Variants in KCNAB1 observed in about 807,000 individuals in gnomAD.
The protein encoded by KCNAB1 is potassium voltage-gated channel subfamily A regulatory beta subunit 1, also known as voltage-gated potassium channel subunit beta-1.
Under a neutral mutation model 64.6 loss-of-function variants are expected in KCNAB1, and 35 were observed. That is an observed-to-expected ratio of 0.54 (90% CI 0.41 to 0.72). The LOEUF is 0.72. Ranked by LOEUF, KCNAB1 falls within the 30% of genes least tolerant of loss-of-function variation. KCNAB1 has a pLI of 0.00. For synonymous variants in KCNAB1, 177 were observed against 183.8 expected (o/e 0.96, Z 0.30); for missense variants, 401 against 512.9 (o/e 0.78, Z 2.11).
chr3:156,512,727 A>C (rs767506209), intron 8 of KCNAB1, among the ~76,000 whole-genome samples: 4 of 152,228 alleles, frequency 2.6e-5, no homozygotes, highest in Non-Finnish European at 5.9e-5. Context: ...ACACTTTTTT[A>C]ATCATATGTT....
intron 11 of KCNAB1, among the ~76,000 whole-genome samples, chr3:156,522,319 C>T (rs923426560): frequency 6.6e-6 from 1 of 152,058 alleles, no homozygotes; most frequent in South Asian, 2.1e-4. Flanking sequence ...GTTTTTCCCA[C>T]TGAGGACACC....
At chr3:156,245,433 T>C (rs190881057) in intron 1 of KCNAB1, among the ~76,000 whole-genome samples, 8 of 152,294 alleles carry the variant, frequency 5.3e-5, no homozygotes, top group Admixed American at 2.6e-4. Flanking sequence ...AACCAGGAAA[T>C]TGACATTGAT....
At chr3:156,142,866 A>AT (rs1245162944) in intron 1 of KCNAB1, 67 of 474,014 alleles carry the variant, frequency 1.4e-4, no homozygotes, top group South Asian at 1.8e-4. Flanking sequence ...AAGTTCCCAT[A>AT]TTTTTTTTCC....
At chr3:156,188,507 C>T (rs924694202) in intron 1 of KCNAB1, among the ~76,000 whole-genome samples, 1 of 152,092 alleles carries the variant, frequency 6.6e-6, no homozygotes, top group Admixed American at 6.5e-5. Flanking sequence ...AATGCATGCT[C>T]ATGTAAATAA....
At position 156,318,186 on chromosome 3, in the gene KCNAB1, A is replaced by G. The variant is rs1162009622; in HGVS notation, c.276-103430A>G. ...GTGAGAGACAATAGGACTAAGCAGG[A>G]TAGGGGGCAAAAGCCTTTGCTTTTT... On this transcript the variant is annotated intron_variant, in intron 1 of 13. Transcript: ENST00000490337. 3.3e-5 allele frequency among the ~76,000 whole-genome samples: 5 copies of G among 152,182 alleles called. 1 individual carries two copies. Among genetic ancestry groups the G allele is most frequent in the African/African-American group, 7.2e-5 (3 of 41,454 alleles).
At chr3:156,380,127 C>T (rs955432647) in intron 1 of KCNAB1, among the ~76,000 whole-genome samples, 14 of 152,166 alleles carry the variant, frequency 9.2e-5, no homozygotes, top group Admixed American at 7.2e-4. Context: ...GCTTTCTGCT[C>T]TCTGACCCCT....
intron 1 of KCNAB1, among the ~76,000 whole-genome samples, chr3:156,180,657 A>G (rs1209827222): frequency 2.0e-5 from 3 of 152,164 alleles, no homozygotes; most frequent in Admixed American, 6.5e-5. Context: ...TACCTACCAC[A>G]TGCAAGGCTC....
chr3:156,440,956 A>AT (rs1187827946), intron 2 of KCNAB1, among the ~76,000 whole-genome samples: 3 of 152,070 alleles, frequency 2.0e-5, no homozygotes, highest in Non-Finnish European at 4.4e-5. Context: ...ATTTTTCTGT[A>AT]TTTTAAAAAA....
At chr3:156,453,983 T>C (rs530687159) in intron 3 of KCNAB1, among the ~76,000 whole-genome samples, 3 of 152,342 alleles carry the variant, frequency 2.0e-5, no homozygotes, top group Admixed American at 6.5e-5. Flanking sequence ...GTTCTTACTA[T>C]CATTCCTAAC....
Position 156,515,168 on chromosome 3 carries a change from T to C in KCNAB1, c.813T>C (p.Leu271=), listed in dbSNP as rs755537214. Residue 271 remains leucine (L), a synonymous_variant, in exon 10 of 14, where the codon CTT becomes CTC. Transcript: ENST00000490337. ...PPVCEQAEYH[L]FQREKVEVQL... is the part of the protein sequence containing the mutation. The stretch of plus-strand genomic sequence containing the variant: ...TCTGTGAACAAGCTGAGTACCATCT[T>C]TTCCAGAGAGAGAAAGTGGAGGTCC... 6.2e-7 allele frequency: 1 copy of C among 1,613,576 alleles called. No individual in the cohort carries two copies. The highest frequency in any genetic ancestry group is 8.5e-7 in the Non-Finnish European group (1 of 1,179,660).
intron 4 of KCNAB1, among the ~76,000 whole-genome samples, chr3:156,458,240 C>G (rs1272285901): frequency 6.6e-6 from 1 of 152,172 alleles, no homozygotes; most frequent in Non-Finnish European, 1.5e-5. Flanking sequence ...CTTGTTAAAC[C>G]AGAACACATA....
intron 7 of KCNAB1, among the ~76,000 whole-genome samples, chr3:156,466,724 A>C (rs1040185673): frequency 6.6e-6 from 1 of 152,040 alleles, no homozygotes; most frequent in Non-Finnish European, 1.5e-5. Context: ...TTTGCAAGGC[A>C]CCCAAAACTT....
intron 1 of KCNAB1, among the ~76,000 whole-genome samples, chr3:156,210,203 C>A (rs1279947201): frequency 1.3e-5 from 2 of 152,182 alleles, no homozygotes. Flanking sequence ...AGGAATGCCT[C>A]TGCCTCCCCT....
intron 1 of KCNAB1, among the ~76,000 whole-genome samples, chr3:156,266,658 A>G (rs903244738): frequency 2.0e-5 from 3 of 152,228 alleles, no homozygotes; most frequent in Non-Finnish European, 4.4e-5. Context: ...TATTCCATGC[A>G]TAATTATTGC....
intron 1 of KCNAB1, chr3:156,142,853 A>G (rs1714780463): frequency 2.6e-5 from 9 of 349,426 alleles, no homozygotes; most frequent in South Asian, 2.3e-4. Flanking sequence ...AAGACATGGG[A>G]AAAAGTTCCC....
At chr3:156,319,808 G>T (rs1351310208) in intron 1 of KCNAB1, among the ~76,000 whole-genome samples, 1 of 152,110 alleles carries the variant, frequency 6.6e-6, no homozygotes. Flanking sequence ...CTTTAAAATT[G>T]TTCCAAATAA....
chr3:156,500,836 G>T (rs1489816881), intron 8 of KCNAB1, among the ~76,000 whole-genome samples: 1 of 152,142 alleles, frequency 6.6e-6, no homozygotes, highest in Non-Finnish European at 1.5e-5. Flanking sequence ...ATCATCAATG[G>T]CAGTGATGAG....
intron 1 of KCNAB1, among the ~76,000 whole-genome samples, chr3:156,285,060 G>A (rs1720019925): frequency 6.6e-6 from 1 of 152,190 alleles, no homozygotes; most frequent in Admixed American, 6.5e-5. Flanking sequence ...GAAACTGGAG[G>A]GAGGCAGCGT....
At chr3:156,317,445 TC>T (rs1722352530) in intron 1 of KCNAB1, among the ~76,000 whole-genome samples, 1 of 152,178 alleles carries the variant, frequency 6.6e-6, no homozygotes, top group South Asian at 2.1e-4. Context: ...CTGTTAATTG[TC>T]TTTCACTTGA....
Sources: gnomAD v4.1 joint callset for allele counts (sites outside exome capture counted in the v4.1 genomes callset) on GRCh38, gnomAD v4.1.1 for gene constraint, MANE v1.5 for transcripts, NCBI Gene and HGNC (gene_info 2026-07-23, HGNC 2026-07-21) for gene names.